Variants in TTC39B observed in about 807,000 individuals in gnomAD.
TTC39B encodes the protein tetratricopeptide repeat domain 39B.
In TTC39B, 92 loss-of-function variants were observed where a neutral mutation model predicts 96.6. The observed-to-expected ratio is 0.95, with a 90% CI of 0.80 to 1.13. TTC39B has a LOEUF of 1.13. Among genes scored for constraint, TTC39B ranks in the 50% most tolerant of loss-of-function variants. The pLI, the probability that TTC39B is intolerant of heterozygous loss-of-function variation, is 0.00. For missense variants in TTC39B, 955 were observed against 809.3 expected (o/e 1.18, Z -2.18); for synonymous variants, 367 against 299.4 (o/e 1.23, Z -2.33).
At chr9:15,179,629 A>G (rs779279266) in intron 17 of TTC39B, among the ~76,000 whole-genome samples, 1 of 152,190 alleles carries the variant, frequency 6.6e-6, no homozygotes, top group Non-Finnish European at 1.5e-5. Flanking sequence ...TCAAGAAGTA[A>G]TATCTTTTAG....
intron 1 of TTC39B, among the ~76,000 whole-genome samples, chr9:15,278,371 T>C (rs770765035): frequency 6.6e-6 from 1 of 152,194 alleles, no homozygotes; most frequent in Non-Finnish European, 1.5e-5. Flanking sequence ...AAATAAAACT[T>C]TTTTACAATT....
intron 2 of TTC39B, among the ~76,000 whole-genome samples, chr9:15,236,878 A>AT (rs1327007043): frequency 1.3e-5 from 2 of 152,246 alleles, no homozygotes; most frequent in Non-Finnish European, 2.9e-5. Flanking sequence ...GAAAGACAGA[A>AT]AGACCTCAAA....
At chr9:15,201,094 C>A (rs1447775197) in intron 7 of TTC39B, among the ~76,000 whole-genome samples, 1 of 152,118 alleles carries the variant, frequency 6.6e-6, no homozygotes, top group Non-Finnish European at 1.5e-5. Flanking sequence ...AACTGAATTT[C>A]ATTTACTAAT....
At chr9:15,178,589 T>C (rs1818086003) in intron 17 of TTC39B, among the ~76,000 whole-genome samples, 1 of 152,178 alleles carries the variant, frequency 6.6e-6, no homozygotes, top group Admixed American at 6.5e-5. Flanking sequence ...ACACATACAT[T>C]CCTACAGTGC....
exon 1 of TTC39B, chr9:15,307,170 C>G (rs1563803182): frequency 6.3e-7 from 1 of 1,597,372 alleles, no homozygotes; most frequent in Non-Finnish European, 8.5e-7. Flanking sequence ...GCAGGGAACT[C>G]AGAGCCGACT....
chr9:15,204,534 A>G (rs1819735972), intron 6 of TTC39B, among the ~76,000 whole-genome samples: 1 of 149,546 alleles, frequency 6.7e-6, no homozygotes, highest in Non-Finnish European at 1.5e-5. Context: ...CATCTCAAAA[A>G]GAAAAAAAAA....
exon 20 of TTC39B, chr9:15,166,446 A>C (rs1023054901): frequency 2.0e-5 from 3 of 152,246 alleles, no homozygotes; most frequent in Non-Finnish European, 2.9e-5. Context: ...TCAGTCCACT[A>C]AACAGTCCTT....
chr9:15,289,908 G>T lies in TTC39B; in HGVS notation c.240+17176C>A, dbSNP rs1216817629. Among the ~76,000 whole-genome samples, 3 of 152,074 alleles carry T rather than the reference G, an allele frequency of 2.0e-5. 1 individual carries two copies. The highest frequency in any genetic ancestry group is 6.5e-5 in the Admixed American group (1 of 15,272). On this transcript the variant is annotated intron_variant, in intron 1 of 19. Coordinates refer to ENST00000512701, the Ensembl canonical transcript of TTC39B. Reference sequence around the variant, plus strand: ...GTGGAACAAATTATTCATGTGGGCAGGAGTAATTCATACAGCCCTTGACCC... The same window carrying T: ...GTGGAACAAATTATTCATGTGGGCATGAGTAATTCATACAGCCCTTGACCC...
At position 15,175,012 on chromosome 9, in the gene TTC39B, C is replaced by A. The variant is rs777141352; in HGVS notation, c.1958+7G>T. The A allele has an allele frequency of 1.9e-6, 3 of 1,601,372 alleles. No individual in the cohort carries two copies. The highest frequency in any genetic ancestry group is 2.7e-5 in the African/African-American group (2 of 74,656). ...ACAATCAAGGAAAAGCTGCCTTCAACACTTACCTTGCAGTTTCTAGGAACT... is the reference window on the plus strand; with the variant it reads ...ACAATCAAGGAAAAGCTGCCTTCAAAACTTACCTTGCAGTTTCTAGGAACT... On this transcript the variant is annotated splice_region_variant and intron_variant, in intron 19 of 19. Coordinates refer to ENST00000512701, the Ensembl canonical transcript of TTC39B.
At chr9:15,300,655 G>A (rs1824550656) in intron 1 of TTC39B, among the ~76,000 whole-genome samples, 2 of 152,168 alleles carry the variant, frequency 1.3e-5, no homozygotes, top group South Asian at 4.1e-4. Context: ...GGAGGCCAAG[G>A]CAGGTGGATC....
chr9:15,201,158 A>T (rs1192410488), intron 7 of TTC39B, among the ~76,000 whole-genome samples: 1 of 152,178 alleles, frequency 6.6e-6, no homozygotes, highest in Non-Finnish European at 1.5e-5. Context: ...ATCAATAGAT[A>T]TGAAATTCAA....
At chr9:15,192,792 C>G in intron 8 of TTC39B, 97 bp from the exon 9 acceptor site, 1 of 803,166 alleles carries the variant, frequency 1.2e-6, no homozygotes, top group Non-Finnish European at 2.0e-6. Flanking sequence ...AAATAAATGT[C>G]ATTAATTAAA....
At chr9:15,219,065 T>C (rs528813564) in intron 3 of TTC39B, among the ~76,000 whole-genome samples, 1 of 152,300 alleles carries the variant, frequency 6.6e-6, no homozygotes, top group Non-Finnish European at 1.5e-5. Context: ...AACTGATTTA[T>C]AAAAATTTTG....
chr9:15,268,076 G>T (rs766568406), intron 1 of TTC39B, 128 bp from the exon 2 acceptor site: 1 of 692,170 alleles, frequency 1.4e-6, no homozygotes, highest in Non-Finnish European at 2.4e-6. Context: ...GCAGGCAGTA[G>T]AATCAATCAA....
chr9:15,279,754 C>T (rs527319245), intron 1 of TTC39B, among the ~76,000 whole-genome samples: 20 of 152,254 alleles, frequency 1.3e-4, no homozygotes, highest in African/African-American at 4.8e-4. Flanking sequence ...AATCCTAAGT[C>T]ACCTTCTCTG....
intron 4 of TTC39B, among the ~76,000 whole-genome samples, chr9:15,211,910 C>A (rs1047905774): frequency 9.9e-5 from 15 of 152,272 alleles, no homozygotes; most frequent in African/African-American, 2.6e-4. Context: ...AGTTGTCAGA[C>A]CTTGTATCTA....
At chr9:15,300,307 C>A (rs1429558885) in intron 1 of TTC39B, among the ~76,000 whole-genome samples, 1 of 152,142 alleles carries the variant, frequency 6.6e-6, no homozygotes, top group Non-Finnish European at 1.5e-5. Flanking sequence ...CACAAGGAAC[C>A]CAGAATTATT....
intron 8 of TTC39B, among the ~76,000 whole-genome samples, chr9:15,196,498 T>G (rs1819178842): frequency 6.6e-6 from 1 of 152,266 alleles, no homozygotes; most frequent in South Asian, 2.1e-4. Flanking sequence ...GGTTCAAGAC[T>G]TCAGTGGAGA....
At chr9:15,227,178 A>G (rs985804335) in intron 2 of TTC39B, among the ~76,000 whole-genome samples, 3 of 152,028 alleles carry the variant, frequency 2.0e-5, no homozygotes, top group African/African-American at 7.2e-5. Context: ...ATCGTGGCGC[A>G]TGCCTGTAAT....
Sources: gnomAD v4.1 joint callset for allele counts (sites outside exome capture counted in the v4.1 genomes callset) on GRCh38, gnomAD v4.1.1 for gene constraint, MANE v1.5 for transcripts, NCBI Gene and HGNC (gene_info 2026-07-23, HGNC 2026-07-21) for gene names.